The following SLC15A4 variants were observed in gnomAD, a reference collection of about 807,000 sequenced individuals.
SLC15A4 encodes hPHT1.
A neutral mutation model predicts 46.1 loss-of-function variants in SLC15A4; 26 were observed. The observed-to-expected ratio is 0.56, with a 90% CI of 0.41 to 0.78. The LOEUF is 0.78. Among genes scored for constraint, SLC15A4 ranks in the 30% least tolerant of loss-of-function variants. SLC15A4 has a pLI of 0.00. For synonymous variants in SLC15A4, 370 were observed against 333.4 expected (o/e 1.11, Z -1.20); for missense variants, 751 against 755.7 (o/e 0.99, Z 0.07).
At chr12:128,801,702 A>T (rs1050447842) in intron 5 of SLC15A4, 2 of 152,228 alleles carry the variant, frequency 1.3e-5, no homozygotes, top group Non-Finnish European at 2.9e-5. Context: ...CACTGGAAAT[A>T]AAGTGTAAAA....
Position 128,814,770 on chromosome 12 carries a change from C to A in SLC15A4, c.842+5G>T. 3 of 1,612,808 alleles carry A rather than the reference C, an allele frequency of 1.9e-6. No individual in the cohort carries two copies. Among genetic ancestry groups the A allele is most frequent in the Middle Eastern group, 1.7e-4 (1 of 6,032 alleles). ...AACAGCCCAAGATGAGAACTAAGTG[C>A]TTACCCATTACTCTGGCGCTCTCCA... On this transcript the variant is annotated splice_donor_5th_base_variant and intron_variant, in intron 2 of 7. Transcript: ENST00000266771.
chr12:128,797,914 G>A (rs1246331282), intron 7 of SLC15A4, among the ~76,000 whole-genome samples: 1 of 152,198 alleles, frequency 6.6e-6, no homozygotes, highest in Non-Finnish European at 1.5e-5. Flanking sequence ...GGGGCTGCTG[G>A]CAAACACGCC....
chr12:128,799,508 G>A, intron 6 of SLC15A4, 91 bp from the exon 7 acceptor site: 10 of 1,421,750 alleles, frequency 7.0e-6, no homozygotes, highest in Non-Finnish European at 9.7e-6. Context: ...GAGGAAGCGT[G>A]GGGTCTCCTA....
At chr12:128,800,001 C>T (rs1955496504) in intron 6 of SLC15A4, among the ~76,000 whole-genome samples, 1 of 152,098 alleles carries the variant, frequency 6.6e-6, no homozygotes, top group African/African-American at 2.4e-5. Context: ...GCCACCATGC[C>T]TGGCTAATTT....
chr12:128,818,937 T>A (rs998941711), intron 1 of SLC15A4, among the ~76,000 whole-genome samples: 1 of 152,244 alleles, frequency 6.6e-6, no homozygotes, highest in East Asian at 1.9e-4. Flanking sequence ...CATTTCTTTT[T>A]TAATGGCTGA....
At position 128,796,886 on chromosome 12, in the gene SLC15A4, G is replaced by T. The variant is rs148647288; in HGVS notation, c.1573+2373C>A. Among the ~76,000 whole-genome samples the T allele has an allele frequency of 7.8e-3, 1,183 of 152,360 alleles. 13 individuals are homozygous for T. The highest frequency in any genetic ancestry group is 0.027 in the African/African-American group (1,119 of 41,582). On this transcript the variant is annotated intron_variant, in intron 7 of 7. Transcript: ENST00000266771. ...CGTGAACTGAAGGCTGAGGCCACAT[G>T]AACTGAAGGCTGCGCGGCCCTGCGG...
Position 128,798,022 on chromosome 12 carries a change from C to G in SLC15A4, c.1573+1237G>C, listed in dbSNP as rs558917062. Among the ~76,000 whole-genome samples, 81 of 152,334 alleles carry G rather than the reference C, an allele frequency of 5.3e-4. 3 individuals are homozygous for G. The South Asian group carries it at 0.016, about 31-fold the overall frequency. On this transcript the variant is annotated intron_variant, in intron 7 of 7. Coordinates refer to ENST00000266771, the MANE Select transcript of SLC15A4 (RefSeq NM_145648.4). Reference sequence around the variant, plus strand: ...AGAGCACCAATGCAGGGGAAGTCCACAAACAACCTGTCAGACAGAAATGAT... The same window carrying G: ...AGAGCACCAATGCAGGGGAAGTCCAGAAACAACCTGTCAGACAGAAATGAT...
At chr12:128,798,633 GA>G (rs1955476630) in intron 7 of SLC15A4, among the ~76,000 whole-genome samples, 1 of 152,162 alleles carries the variant, frequency 6.6e-6, no homozygotes, top group Admixed American at 6.5e-5. Flanking sequence ...CAAAGGAAAA[GA>G]AAGAAGAAAC....
rs186566038 is a variant in SLC15A4 at position 128,821,516 on chromosome 12, C to T, written c.546+1882G>A. ...CAGGTGGGGCTATGTTCCAATAACG[C>T]TTTATTTATGGAGATTGAAATTTGA... is the stretch of plus-strand genomic sequence containing the variant. On this transcript the variant is annotated intron_variant, in intron 1 of 7. Transcript: ENST00000266771. Among the ~76,000 whole-genome samples the T allele has an allele frequency of 3.0e-3, 458 of 152,320 alleles. 4 individuals are homozygous for T. Among genetic ancestry groups the T allele is most frequent in the Non-Finnish European group, 3.7e-3 (249 of 68,026 alleles).
rs1223418850 is a variant in SLC15A4 at position 128,809,033 on chromosome 12, TG to T, written c.1090-78del. The T allele has an allele frequency of 6.7e-6, 9 of 1,352,220 alleles. No homozygotes were observed. In the African/African-American group the frequency reaches 1.3e-4, roughly 20 times the overall value. 83.8% of individuals were successfully genotyped at this position (1,352,220 alleles called of 1,614,324 possible). On this transcript the variant is annotated intron_variant, in intron 4 of 7. Transcript: ENST00000266771. ...CCTGTCTAGAGAACCAACGTCTCAA[TG>T]GGAGAAATGCACGTAAAGAACAGTT...
intron 1 of SLC15A4, among the ~76,000 whole-genome samples, chr12:128,820,908 T>C (rs921204440): frequency 6.6e-6 from 1 of 152,166 alleles, no homozygotes; most frequent in East Asian, 1.9e-4. Context: ...GTGCTTCTCG[T>C]GGGGCCTAGT....
chr12:128,799,216 C>A (rs1384718436), intron 7 of SLC15A4, 43 bp downstream of exon 7: 3 of 1,608,530 alleles, frequency 1.9e-6, no homozygotes, highest in South Asian at 2.2e-5. Context: ...TGCGCCTCCC[C>A]CTCACTGGCT....
At chr12:128,805,659 G>A (rs1326689559) in intron 5 of SLC15A4, among the ~76,000 whole-genome samples, 1 of 152,092 alleles carries the variant, frequency 6.6e-6, no homozygotes. Flanking sequence ...CAGCCTCCGA[G>A]TAGCTGGGAT....
intron 1 of SLC15A4, among the ~76,000 whole-genome samples, chr12:128,822,174 AC>A (rs1955852457): frequency 6.6e-6 from 1 of 152,160 alleles, no homozygotes; most frequent in Admixed American, 6.5e-5. Flanking sequence ...TGCATATAAT[AC>A]TTGGTGGCCA....
intron 1 of SLC15A4, among the ~76,000 whole-genome samples, chr12:128,818,063 T>C (rs1224560596): frequency 6.6e-6 from 1 of 150,646 alleles, no homozygotes. Flanking sequence ...AAATGGGGTG[T>C]CAGTTTTTCC....
rs191562720 is a variant in SLC15A4 at position 128,793,294 on chromosome 12, G to A, written c.*902C>T. The A allele has an allele frequency of 1.8e-4, 28 of 152,266 alleles. No individual in the cohort carries two copies. The highest frequency in any genetic ancestry group is 6.7e-4 in the African/African-American group (28 of 41,562). The allele number at this position is 152,266 out of a possible 1,614,324, so 9.4% of individuals were successfully genotyped here. On this transcript the variant is annotated 3_prime_UTR_variant, in exon 8 of 8. Transcript: ENST00000266771. The stretch of plus-strand genomic sequence containing the variant: ...ACAAACGGAGAAGCCCCAGATACAC[G>A]TACAGTAACAATACAAAAATGTGAC...
In SLC15A4 at chr12:128,803,549, A is replaced by G. The variant is rs558265845; in HGVS notation, c.1259-2540T>C. Among the ~76,000 whole-genome samples the G allele has an allele frequency of 2.2e-3, 342 of 152,320 alleles. 1 individual carries two copies. The highest frequency in any genetic ancestry group is 4.6e-3 in the Admixed American group (70 of 15,310). ...CACACCCGGCTCTCAACGATGCCAC[A>G]TGCGCTACCTTCCAACCCAACGGCT... On this transcript the variant is annotated intron_variant, in intron 5 of 7. Coordinates refer to ENST00000266771, the MANE Select transcript of SLC15A4 (RefSeq NM_145648.4).
chr12:128,800,334 T>C (rs756029475), intron 6 of SLC15A4, among the ~76,000 whole-genome samples: 4 of 152,192 alleles, frequency 2.6e-5, no homozygotes. Flanking sequence ...CACACATCCA[T>C]CCACCTCTGC....
chr12:128,809,874 C>A, intron 3 of SLC15A4, 69 bp downstream of exon 3: 1 of 1,489,934 alleles, frequency 6.7e-7, no homozygotes, highest in South Asian at 1.3e-5. Context: ...TTAGAAATGG[C>A]CAAAACAAGT....
Sources: allele counts gnomAD v4.1 joint callset (sites outside exome capture counted in the v4.1 genomes callset), GRCh38; gene constraint gnomAD v4.1.1; transcripts MANE v1.5; gene names NCBI Gene and HGNC (gene_info 2026-07-23, HGNC 2026-07-21).